The following PAK5 variants were observed in gnomAD, a reference collection of about 807,000 sequenced individuals.
PAK5 encodes p21 (RAC1) activated kinase 5.
A neutral mutation model predicts 65.9 loss-of-function variants in PAK5; 16 were observed. That is an observed-to-expected ratio of 0.24 (90% CI 0.16 to 0.37). PAK5 has a LOEUF of 0.37. Among genes scored for constraint, PAK5 ranks in the 10% least tolerant of loss-of-function variants. The pLI, the probability that PAK5 is intolerant of heterozygous loss-of-function variation, is 1.00. For synonymous variants in PAK5, 371 were observed against 354.9 expected (o/e 1.05, Z -0.51); for missense variants, 785 against 903.9 (o/e 0.87, Z 1.69).
intron 1 of PAK5, among the ~76,000 whole-genome samples, chr20:9,762,284 C>T (rs536348901): frequency 1.1e-4 from 16 of 152,222 alleles, no homozygotes; most frequent in African/African-American, 3.6e-4. Flanking sequence ...AATTAAAATG[C>T]TTCTGCATAG....
At chr20:9,710,604 C>A (rs144741378) in intron 2 of PAK5, among the ~76,000 whole-genome samples, 1 of 152,126 alleles carries the variant, frequency 6.6e-6, no homozygotes, top group Non-Finnish European at 1.5e-5. Flanking sequence ...GAGCACCCTG[C>A]GTGGGGGGTA....
chr20:9,794,925 AT>A (rs969142183), intron 1 of PAK5, among the ~76,000 whole-genome samples: 4 of 151,238 alleles, frequency 2.6e-5, no homozygotes, highest in African/African-American at 7.3e-5. Flanking sequence ...GCACATTTTA[AT>A]TTTTTTTTCT....
chr20:9,708,377 A>ATT (rs2048034697), intron 2 of PAK5, among the ~76,000 whole-genome samples: 1 of 152,148 alleles, frequency 6.6e-6, no homozygotes, highest in African/African-American at 2.4e-5. Flanking sequence ...GATTGTGGTG[A>ATT]TTATATATAT....
chr20:9,692,032 A>G (rs1166007714), intron 2 of PAK5, among the ~76,000 whole-genome samples: 4 of 152,162 alleles, frequency 2.6e-5, no homozygotes, highest in African/African-American at 4.8e-5. Flanking sequence ...GAAATCACTC[A>G]ACCTGCCCAG....
intron 7 of PAK5, among the ~76,000 whole-genome samples, chr20:9,555,677 T>C (rs2045495375): frequency 6.6e-6 from 1 of 152,144 alleles, no homozygotes; most frequent in African/African-American, 2.4e-5. Context: ...TGTATCCACA[T>C]CCCTTTGCAA....
chr20:9,651,520 C>T (rs2047203021), intron 2 of PAK5, among the ~76,000 whole-genome samples: 1 of 152,124 alleles, frequency 6.6e-6, no homozygotes, highest in Admixed American at 6.5e-5. Context: ...CCACCCATGG[C>T]AACATTTTAA....
At chr20:9,809,749 T>C (rs902194494) in intron 1 of PAK5, among the ~76,000 whole-genome samples, 3 of 152,236 alleles carry the variant, frequency 2.0e-5, no homozygotes, top group Admixed American at 1.3e-4. Flanking sequence ...CAACTTTATA[T>C]TGACTCATAG....
chr20:9,669,492 A>T (rs1256352662), intron 2 of PAK5, among the ~76,000 whole-genome samples: 2 of 152,176 alleles, frequency 1.3e-5, no homozygotes, highest in Admixed American at 1.3e-4. Flanking sequence ...TGCTTGGACT[A>T]GAATTTCTTT....
intron 1 of PAK5, among the ~76,000 whole-genome samples, chr20:9,778,205 C>A (rs970358554): frequency 2.0e-5 from 3 of 152,108 alleles, no homozygotes; most frequent in Non-Finnish European, 4.4e-5. Context: ...TTCTCCAATG[C>A]TATATTTTAA....
At chr20:9,682,408 G>C (rs1270552277) in intron 2 of PAK5, among the ~76,000 whole-genome samples, 1 of 152,096 alleles carries the variant, frequency 6.6e-6, no homozygotes, top group Non-Finnish European at 1.5e-5. Flanking sequence ...GAACTCAATA[G>C]GTGAGGATCT....
chr20:9,626,607 C>T (rs926634040), intron 3 of PAK5, among the ~76,000 whole-genome samples: 5 of 152,190 alleles, frequency 3.3e-5, no homozygotes, highest in African/African-American at 1.2e-4. Flanking sequence ...TGGTATCCAA[C>T]CTGGTTCCAA....
At chr20:9,645,411 T>C (rs1168042646) in intron 2 of PAK5, among the ~76,000 whole-genome samples, 1 of 152,214 alleles carries the variant, frequency 6.6e-6, no homozygotes, top group Admixed American at 6.5e-5. Flanking sequence ...CCCAGATAAT[T>C]GCTTTTTTCC....
At chr20:9,666,882 T>C (rs2047427292) in intron 2 of PAK5, among the ~76,000 whole-genome samples, 1 of 152,214 alleles carries the variant, frequency 6.6e-6, no homozygotes, top group East Asian at 1.9e-4. Context: ...ACAGATCTAG[T>C]CTTCCACATT....
intron 3 of PAK5, among the ~76,000 whole-genome samples, chr20:9,618,477 G>A (rs1193246810): frequency 6.7e-6 from 1 of 150,154 alleles, no homozygotes; most frequent in Non-Finnish European, 1.5e-5. Flanking sequence ...CACAATCTTG[G>A]CTCACTGCAA....
chr20:9,734,549 C>T (rs2048367897), intron 1 of PAK5, among the ~76,000 whole-genome samples: 1 of 140,710 alleles, frequency 7.1e-6, no homozygotes, highest in South Asian at 2.6e-4. Context: ...CACACGCGCA[C>T]ATGCACACAC....
intron 1 of PAK5, among the ~76,000 whole-genome samples, chr20:9,777,932 G>T (rs931300342): frequency 1.5e-4 from 23 of 152,284 alleles, no homozygotes; most frequent in Non-Finnish European, 2.9e-5. Flanking sequence ...AGAAGGGATG[G>T]TATAGGCTAA....
At chr20:9,794,760 C>A (rs2049087083) in intron 1 of PAK5, among the ~76,000 whole-genome samples, 1 of 151,998 alleles carries the variant, frequency 6.6e-6, no homozygotes, top group Non-Finnish European at 1.5e-5. Flanking sequence ...AGAAAGTCAG[C>A]ATTTTATCTT....
intron 1 of PAK5, among the ~76,000 whole-genome samples, chr20:9,809,525 T>C (rs1335298238): frequency 2.0e-5 from 3 of 152,094 alleles, no homozygotes; most frequent in Non-Finnish European, 4.4e-5. Flanking sequence ...TAGATTTTTT[T>C]CCTCCCATCA....
intron 2 of PAK5, among the ~76,000 whole-genome samples, chr20:9,680,716 G>A (rs975546353): frequency 6.6e-6 from 1 of 152,144 alleles, no homozygotes; most frequent in African/African-American, 2.4e-5. Context: ...GACATGTAGA[G>A]GAATGTTAAA....
Sources: allele counts gnomAD v4.1 joint callset (sites outside exome capture counted in the v4.1 genomes callset), GRCh38; gene constraint gnomAD v4.1.1; transcripts MANE v1.5; gene names NCBI Gene and HGNC (gene_info 2026-07-23, HGNC 2026-07-21).